FRYL: variants seen among roughly 807,000 people sequenced by gnomAD.
FRYL encodes the protein protein furry homolog-like.
FRYL carries 150 observed loss-of-function variants against 351.2 expected under a neutral mutation model. The observed-to-expected ratio is 0.43, with a 90% CI of 0.37 to 0.49. The LOEUF is 0.49. Among genes scored for constraint, FRYL ranks in the 20% least tolerant of loss-of-function variants. The pLI is 0.00. For missense variants in FRYL, 3,036 were observed against 3,619.3 expected (o/e 0.84, Z 4.13); for synonymous variants, 1,153 against 1,257.1 (o/e 0.92, Z 1.75).
intron 60 of FRYL, chr4:48,505,294 T>C (rs1720657166): frequency 1.9e-6 from 1 of 515,516 alleles, no homozygotes; most frequent in Non-Finnish European, 3.5e-6. Context: ...TGTCCAGATA[T>C]CCATCAAGCT....
At position 48,634,461 on chromosome 4, in the gene FRYL, A is replaced by T. The variant is rs781463851; in HGVS notation, c.-51T>A. The T allele has an allele frequency of 1.2e-5, 19 of 1,611,464 alleles. No individual in the cohort carries two copies. Among genetic ancestry groups the T allele is most frequent in the Non-Finnish European group, 1.6e-5 (19 of 1,178,336 alleles). On this transcript the variant is annotated 5_prime_UTR_variant, in exon 4 of 64. Transcript: ENST00000358350. ...GAATGAAAGTTGGAAGAAGCACAGT[A>T]TTTATTTACTTTGCTGACTGGCGCT...
At chr4:48,504,247 T>C (rs1424544366) in intron 60 of FRYL, among the ~76,000 whole-genome samples, 3 of 152,060 alleles carry the variant, frequency 2.0e-5, no homozygotes, top group Non-Finnish European at 4.4e-5. Context: ...ACAGATCAAA[T>C]TGCATAAAAA....
At chr4:48,503,673 A>C (rs1371597271) in intron 60 of FRYL, among the ~76,000 whole-genome samples, 1 of 152,184 alleles carries the variant, frequency 6.6e-6, no homozygotes, top group Non-Finnish European at 1.5e-5. Context: ...TGCTTTTCTA[A>C]ATAGTTTCCT....
Position 48,708,415 on chromosome 4 carries a change from C to T in FRYL, c.-204+2104G>A, listed in dbSNP as rs754106930. Among the ~76,000 whole-genome samples the T allele has an allele frequency of 2.6e-5, 4 of 152,148 alleles. No homozygotes were observed. The East Asian group carries it at 7.7e-4, about 29-fold the overall frequency. On this transcript the variant is annotated intron_variant, in intron 2 of 63. Coordinates refer to ENST00000358350, the MANE Select transcript of FRYL (RefSeq NM_015030.2). Reference sequence around the variant, plus strand: ...CTGGGAGGTGGAAGTTGCAGTGAGCCGAGATCATGCCACTGCACTCCAGCC... The same window carrying T: ...CTGGGAGGTGGAAGTTGCAGTGAGCTGAGATCATGCCACTGCACTCCAGCC...
intron 47 of FRYL, among the ~76,000 whole-genome samples, chr4:48,538,197 A>C (rs2148917632): frequency 6.6e-6 from 1 of 152,302 alleles, no homozygotes; most frequent in East Asian, 1.9e-4. Context: ...GATTAGTTTA[A>C]TAAAAACCAA....
At chr4:48,767,197 A>G (rs943342933) in intron 1 of FRYL, among the ~76,000 whole-genome samples, 1 of 152,070 alleles carries the variant, frequency 6.6e-6, no homozygotes, top group Non-Finnish European at 1.5e-5. Flanking sequence ...ACTTACAATC[A>G]TGGCAGAAGG....
intron 2 of FRYL, among the ~76,000 whole-genome samples, chr4:48,703,360 C>T (rs745310306): frequency 6.6e-6 from 1 of 152,202 alleles, no homozygotes; most frequent in Non-Finnish European, 1.5e-5. Flanking sequence ...ACAATTACTA[C>T]AACAGTCTGC....
intron 31 of FRYL, 40 bp downstream of exon 31, chr4:48,563,908 A>C (rs1374545980): frequency 6.3e-7 from 1 of 1,583,206 alleles, no homozygotes; most frequent in Non-Finnish European, 8.6e-7. Flanking sequence ...TCTTTAAGAA[A>C]ACAGAACAAA....
chr4:48,753,481 T>A (rs1773459447), intron 1 of FRYL, among the ~76,000 whole-genome samples: 1 of 152,202 alleles, frequency 6.6e-6, no homozygotes, highest in Admixed American at 6.5e-5. Flanking sequence ...ACCAATTTAA[T>A]CATCATTTTA....
intron 3 of FRYL, among the ~76,000 whole-genome samples, chr4:48,661,628 C>T (rs1416839041): frequency 6.6e-6 from 1 of 152,178 alleles, no homozygotes; most frequent in Non-Finnish European, 1.5e-5. Flanking sequence ...AAGTAACTGC[C>T]TTCCAAAACA....
chr4:48,622,351 T>C (rs1750826563), intron 5 of FRYL, among the ~76,000 whole-genome samples: 1 of 152,204 alleles, frequency 6.6e-6, no homozygotes, highest in Non-Finnish European at 1.5e-5. Flanking sequence ...GCCCTATTTA[T>C]GGTTTCTTCT....
intron 11 of FRYL, 39 bp from the exon 12 acceptor site, chr4:48,603,427 A>G (rs1373070678): frequency 8.0e-7 from 1 of 1,250,200 alleles, no homozygotes; most frequent in East Asian, 2.3e-5. Flanking sequence ...AATGATACAG[A>G]TGTTAGATTA....
intron 60 of FRYL, among the ~76,000 whole-genome samples, chr4:48,504,575 TAGC>T (rs1171987887): frequency 2.0e-5 from 3 of 152,106 alleles, no homozygotes; most frequent in Non-Finnish European, 4.4e-5. Context: ...ATAGATGACT[TAGC>T]AGTTTCTTTT....
intron 52 of FRYL, 50 bp from the exon 53 acceptor site, chr4:48,527,703 C>T: frequency 6.4e-7 from 1 of 1,551,760 alleles, no homozygotes. Context: ...AGATTTGTCA[C>T]TCTGCGTATG....
Position 48,595,589 on chromosome 4 carries a change from C to G in FRYL, c.1248+1G>C. 1 of 1,553,962 alleles carries G rather than the reference C, an allele frequency of 6.4e-7. No individual in the cohort carries two copies. Among genetic ancestry groups the G allele is most frequent in the Non-Finnish European group, 8.9e-7 (1 of 1,128,812 alleles). Reference sequence around the variant, plus strand: ...TACATACTATGAGATGAAGCACTCACCTGAGCAATGAACTGAATAATCTTC... The same window carrying G: ...TACATACTATGAGATGAAGCACTCAGCTGAGCAATGAACTGAATAATCTTC... On this transcript the variant is annotated splice_donor_variant, in intron 15 of 63. Coordinates refer to ENST00000358350, the MANE Select transcript of FRYL (RefSeq NM_015030.2). LOFTEE classifies it high-confidence loss of function.
intron 50 of FRYL, 28 bp downstream of exon 50, chr4:48,531,128 T>TAGAGA: frequency 7.4e-7 from 1 of 1,353,664 alleles, no homozygotes; most frequent in Middle Eastern, 2.1e-4. Flanking sequence ...CCTAGTAGAG[T>TAGAGA]AACTTCATCA....
chr4:48,601,173 C>T (rs1448000641), intron 13 of FRYL, among the ~76,000 whole-genome samples: 1 of 152,120 alleles, frequency 6.6e-6, no homozygotes, highest in African/African-American at 2.4e-5. Flanking sequence ...TGCCTCGGTT[C>T]CATTATCTTC....
chr4:48,617,946 T>C (rs1395654255), intron 7 of FRYL: 2 of 152,198 alleles, frequency 1.3e-5, no homozygotes, highest in African/African-American at 4.8e-5. Flanking sequence ...GTACAAATAC[T>C]GGTTACCAAT....
chr4:48,561,510 G>T lies in FRYL; in HGVS notation c.3823C>A (p.Leu1275Ile), dbSNP rs1165084379. 6.2e-7 allele frequency: 1 copy of T among 1,611,004 alleles called. No individual in the cohort carries two copies. The highest frequency in any genetic ancestry group is 2.2e-5 in the East Asian group (1 of 44,818). ...GTTAGCTCAGGATACGCCCTTGCTAGTTCCTCGGACAACTGATAATATGAA... is the reference window on the plus strand; with the variant it reads ...GTTAGCTCAGGATACGCCCTTGCTATTTCCTCGGACAACTGATAATATGAA... ...SVSYYQLSEE[L>I]ARAYPELTLA... The change falls in exon 33 of 64, where the codon CTA (leucine) becomes ATA (isoleucine). Residue 1275 changes from leucine to isoleucine, a missense_variant. Coordinates refer to ENST00000358350, the MANE Select transcript of FRYL (RefSeq NM_015030.2).
Sources: gnomAD v4.1 joint callset for allele counts (sites outside exome capture counted in the v4.1 genomes callset) on GRCh38, gnomAD v4.1.1 for gene constraint, MANE v1.5 for transcripts, NCBI Gene and HGNC (gene_info 2026-07-23, HGNC 2026-07-21) for gene names.